The following PRKG1 variants were observed in gnomAD, a reference collection of about 807,000 sequenced individuals.
The protein encoded by PRKG1 is cGMP-dependent protein kinase 1.
Under a neutral mutation model 88.1 loss-of-function variants are expected in PRKG1, and 35 were observed. That is an observed-to-expected ratio of 0.40 (90% CI 0.30 to 0.53). The LOEUF (loss-of-function observed/expected upper bound fraction) is 0.53. Among genes scored for constraint, PRKG1 ranks in the 20% least tolerant of loss-of-function variants. The pLI is 0.59. For missense variants in PRKG1, 540 were observed against 839.8 expected (o/e 0.64, Z 4.41); for synonymous variants, 303 against 292.5 (o/e 1.04, Z -0.37).
intron 3 of PRKG1, among the ~76,000 whole-genome samples, chr10:51,507,114 A>G (rs1841236552): frequency 6.9e-6 from 1 of 144,848 alleles, no homozygotes; most frequent in African/African-American, 2.6e-5. Context: ...GAACACATGA[A>G]GACAGGAAGG....
intron 4 of PRKG1, among the ~76,000 whole-genome samples, chr10:51,906,698 T>C (rs889753896): frequency 3.2e-4 from 49 of 152,084 alleles, no homozygotes; most frequent in Non-Finnish European, 1.2e-4. Context: ...TTATCAGACA[T>C]AAAAAGATGC....
In PRKG1 at chr10:51,601,614, T is replaced by A. The variant is rs1838602105; in HGVS notation, c.592+133778T>A. The stretch of plus-strand genomic sequence containing the variant: ...TCATTTGAAAAAAGCCAAATCAAAG[T>A]GAGCATGTGACCCTTTTAGCCTGCT... On this transcript the variant is annotated intron_variant, in intron 3 of 17. Coordinates refer to ENST00000373980, the MANE Select transcript of PRKG1 (RefSeq NM_006258.4). Among the ~76,000 whole-genome samples the A allele has an allele frequency of 2.6e-5, 4 of 152,082 alleles. No homozygotes were observed. The South Asian group carries it at 8.3e-4, about 32-fold the overall frequency.
intron 5 of PRKG1, among the ~76,000 whole-genome samples, chr10:51,925,402 T>C (rs947804657): frequency 1.2e-4 from 19 of 152,130 alleles, no homozygotes; most frequent in African/African-American, 3.6e-4. Context: ...ACTACTGATG[T>C]AGTGATAAAG....
intron 2 of PRKG1, among the ~76,000 whole-genome samples, chr10:51,244,008 A>G (rs1360515212): frequency 6.6e-6 from 1 of 152,116 alleles, no homozygotes; most frequent in African/African-American, 2.4e-5. Flanking sequence ...ATTTTGTTCT[A>G]TTGTGTTGAT....
chr10:52,128,173 C>T lies in PRKG1; in HGVS notation c.936-5667C>T, dbSNP rs1029549621. 1.5e-5 allele frequency: 15 copies of T among 985,182 alleles called. No homozygotes were observed. In the Admixed American group the frequency reaches 1.8e-4, roughly 12 times the overall value. The allele number at this position is 985,182 out of a possible 1,614,324, so 61.0% of individuals were successfully genotyped here. A position where few individuals can be genotyped will look rare whatever the true frequency, so the allele number is the denominator to read the frequency against. On this transcript the variant is annotated intron_variant, in intron 7 of 17. Coordinates refer to ENST00000373980, the MANE Select transcript of PRKG1 (RefSeq NM_006258.4). Reference sequence around the variant, plus strand: ...GACAGAGAGTAAAGAGCTCTGACCCCGGGATTGCTGTAAGCTCATAAGCAA... The same window carrying T: ...GACAGAGAGTAAAGAGCTCTGACCCTGGGATTGCTGTAAGCTCATAAGCAA...
At chr10:51,667,335 T>TA (rs1207088334) in intron 3 of PRKG1, among the ~76,000 whole-genome samples, 3 of 152,192 alleles carry the variant, frequency 2.0e-5, no homozygotes, top group African/African-American at 7.2e-5. Flanking sequence ...TAAAAAATGA[T>TA]ACCAAAGTAG....
chr10:52,108,121 C>T (rs957226055), intron 7 of PRKG1, among the ~76,000 whole-genome samples: 3 of 152,172 alleles, frequency 2.0e-5, no homozygotes, highest in Admixed American at 6.5e-5. Context: ...GGTTAAATGA[C>T]AGCCTGATAT....
intron 3 of PRKG1, chr10:51,697,364 G>A (rs11601): frequency 0.33 from 74,202 of 222,910 alleles, 16,251 homozygotes; most frequent in African/African-American, 0.69. Context: ...CAGTTTTCAC[G>A]AAGTTTTACT....
chr10:52,042,470 G>A (rs1357718015), intron 5 of PRKG1, among the ~76,000 whole-genome samples: 2 of 151,986 alleles, frequency 1.3e-5, no homozygotes, highest in African/African-American at 4.8e-5. Flanking sequence ...CACACATTGG[G>A]GAATGAACAG....
Position 52,271,466 on chromosome 10 carries a change from G to A in PRKG1, c.1290G>A (p.Gly430=), listed in dbSNP as rs139494883. Residue 430 remains glycine, a synonymous_variant, in exon 11 of 18, where the codon GGG becomes GGA. Transcript: ENST00000373980. ...GCTCAGAGAAGCAGATCATGCAGGGGGCTCATTCCGATTTCATAGTGAGGT... is the reference window on the plus strand; with the variant it reads ...GCTCAGAGAAGCAGATCATGCAGGGAGCTCATTCCGATTTCATAGTGAGGT... ...HIRSEKQIMQ[G]AHSDFIVRLY... The A allele has an allele frequency of 4.5e-5, 72 of 1,612,600 alleles. No individual in the cohort carries two copies. The African/African-American group carries it at 9.1e-4, about 20-fold the overall frequency.
At chr10:51,735,479 C>T (rs1282508791) in intron 3 of PRKG1, among the ~76,000 whole-genome samples, 1 of 152,050 alleles carries the variant, frequency 6.6e-6, no homozygotes, top group Non-Finnish European at 1.5e-5. Context: ...TCATGGTTCC[C>T]AGAAGGGAAT....
At chr10:51,648,039 T>C (rs1450727231) in intron 3 of PRKG1, among the ~76,000 whole-genome samples, 2 of 149,902 alleles carry the variant, frequency 1.3e-5, no homozygotes, top group African/African-American at 4.9e-5. Flanking sequence ...TGGTTACACA[T>C]ACACACACAC....
chr10:51,454,840 T>C (rs1355023469), intron 2 of PRKG1, among the ~76,000 whole-genome samples: 1 of 152,216 alleles, frequency 6.6e-6, no homozygotes, highest in Non-Finnish European at 1.5e-5. Flanking sequence ...CAATTCAAGA[T>C]GAGATTTGGG....
intron 2 of PRKG1, among the ~76,000 whole-genome samples, chr10:51,414,017 G>A (rs1475637469): frequency 6.6e-6 from 1 of 152,156 alleles, no homozygotes; most frequent in African/African-American, 2.4e-5. Flanking sequence ...TGCAGTGTCT[G>A]TATGACCATA....
At chr10:52,223,593 A>G (rs1391532317) in intron 9 of PRKG1, among the ~76,000 whole-genome samples, 1 of 152,132 alleles carries the variant, frequency 6.6e-6, no homozygotes, top group African/African-American at 2.4e-5. Flanking sequence ...AGCTTTCGAT[A>G]CGCTCTACAT....
intron 2 of PRKG1, among the ~76,000 whole-genome samples, chr10:51,434,910 G>A (rs1838876213): frequency 6.6e-6 from 1 of 151,992 alleles, no homozygotes; most frequent in Admixed American, 6.6e-5. Flanking sequence ...TTCCTTACAT[G>A]TAATAAAAAT....
chr10:51,167,059 A>G (rs1328981901), intron 2 of PRKG1, among the ~76,000 whole-genome samples: 2 of 152,180 alleles, frequency 1.3e-5, no homozygotes, highest in Non-Finnish European at 1.5e-5. Context: ...CAACACATAC[A>G]CAGTGTCTCT....
chr10:51,412,105 A>G (rs971510417), intron 2 of PRKG1, among the ~76,000 whole-genome samples: 1 of 151,942 alleles, frequency 6.6e-6, no homozygotes, highest in Non-Finnish European at 1.5e-5. Context: ...ACTCCCATAC[A>G]TGGATTCTAC....
intron 5 of PRKG1, among the ~76,000 whole-genome samples, chr10:51,924,901 G>T (rs1589425997): frequency 6.8e-6 from 1 of 148,118 alleles, no homozygotes; most frequent in South Asian, 2.1e-4. Flanking sequence ...TTCTTTCCTA[G>T]AGTTTTCATT....
Sources: allele counts gnomAD v4.1 joint callset (sites outside exome capture counted in the v4.1 genomes callset), GRCh38; gene constraint gnomAD v4.1.1; transcripts MANE v1.5; gene names NCBI Gene and HGNC (gene_info 2026-07-23, HGNC 2026-07-21).